The following KIAA1217 variants were observed in gnomAD, a reference collection of about 807,000 sequenced individuals.
KIAA1217 encodes sickle tail protein homolog.
In KIAA1217, 88 loss-of-function variants were observed where a neutral mutation model predicts 163.9. The observed-to-expected ratio is 0.54, with a 90% CI of 0.45 to 0.64. KIAA1217 has a LOEUF of 0.64. Among genes scored for constraint, KIAA1217 ranks in the 30% least tolerant of loss-of-function variants. The pLI, the probability that KIAA1217 is intolerant of heterozygous loss-of-function variation, is 0.00. For synonymous variants in KIAA1217, 903 were observed against 923.1 expected, an observed-to-expected ratio of 0.98 and a Z score of 0.39; for missense variants, 2,372 against 2,475.0, an observed-to-expected ratio of 0.96 and a Z score of 0.88.
intron 2 of KIAA1217, chr10:24,158,114 G>A (rs190403520): frequency 1.3e-6 from 1 of 754,766 alleles, no homozygotes; most frequent in East Asian, 2.5e-5. Context: ...AAGTATATAT[G>A]ATGACATTTC....
chr10:23,706,042 T>C (rs1836864704), intron 1 of KIAA1217, among the ~76,000 whole-genome samples: 1 of 152,176 alleles, frequency 6.6e-6, no homozygotes, highest in African/African-American at 2.4e-5. Flanking sequence ...TTTGCTTAAT[T>C]TGATTTTTGA....
At chr10:23,947,952 T>A (rs1045875894) in intron 1 of KIAA1217, among the ~76,000 whole-genome samples, 5 of 152,224 alleles carry the variant, frequency 3.3e-5, no homozygotes, top group African/African-American at 1.2e-4. Context: ...GTCCTTCCAA[T>A]ATTGGTCATT....
intron 1 of KIAA1217, among the ~76,000 whole-genome samples, chr10:23,705,744 T>A (rs1010112566): frequency 6.6e-6 from 1 of 152,162 alleles, no homozygotes; most frequent in Non-Finnish European, 1.5e-5. Context: ...CCACATACAT[T>A]TTAGGGCCTG....
chr10:24,258,586 CTT>C lies in KIAA1217; in HGVS notation c.354+38692_354+38693del, dbSNP rs34467674. On this transcript the variant is annotated intron_variant, in intron 2 of 20. Coordinates refer to ENST00000376454, the MANE Select transcript of KIAA1217 (RefSeq NM_019590.5). Reference sequence around the variant, plus strand: ...GCCCCTGTCACTCAGGGGCTTACTTCTTTTTTTTTTTTTTTTCTTTTTTTGAG... The same window carrying C: ...GCCCCTGTCACTCAGGGGCTTACTTCTTTTTTTTTTTTTTCTTTTTTTGAG... Among the ~76,000 whole-genome samples, 728 of 138,278 alleles carry C rather than the reference CTT, an allele frequency of 5.3e-3. 7 individuals are homozygous for C. The highest frequency in any genetic ancestry group is 0.018 in the African/African-American group (691 of 37,982). The allele number at this position is 138,278 out of a possible 152,430, so 90.7% of individuals were successfully genotyped here. A position where few individuals can be genotyped will look rare whatever the true frequency, so the allele number is the denominator to read the frequency against.
intron 1 of KIAA1217, among the ~76,000 whole-genome samples, chr10:23,832,609 G>A (rs1006270481): frequency 6.6e-6 from 1 of 152,082 alleles, no homozygotes; most frequent in African/African-American, 2.4e-5. Context: ...GTTATCAGTT[G>A]TCTTGTTATT....
At chr10:24,329,851 A>G (rs1037088392) in intron 2 of KIAA1217, among the ~76,000 whole-genome samples, 1 of 152,196 alleles carries the variant, frequency 6.6e-6, no homozygotes, top group African/African-American at 2.4e-5. Flanking sequence ...GAGGCTAGGA[A>G]TATACACAAA....
chr10:24,406,806 G>C (rs1036698181), intron 3 of KIAA1217, among the ~76,000 whole-genome samples: 1 of 152,108 alleles, frequency 6.6e-6, no homozygotes. Flanking sequence ...TTTCAGCATT[G>C]GCAGGAAGTA....
chr10:24,114,003 G>A (rs2062955736), intron 2 of KIAA1217, among the ~76,000 whole-genome samples: 2 of 152,304 alleles, frequency 1.3e-5, no homozygotes, highest in South Asian at 4.1e-4. Context: ...CTCCCATAAA[G>A]CTGGCCCCAG....
chr10:23,997,979 C>T (rs548620098), intron 1 of KIAA1217, among the ~76,000 whole-genome samples: 3 of 134,942 alleles, frequency 2.2e-5, no homozygotes, highest in Non-Finnish European at 5.0e-5. Context: ...GAGAAGGGGG[C>T]TTTCTTTTTT....
rs145283648 is a variant in KIAA1217 at position 23,930,898 on chromosome 10, C to T, written c.-320-76327C>T. 1.4e-4 allele frequency among the ~76,000 whole-genome samples: 21 copies of T among 152,244 alleles called. No individual in the cohort carries two copies. The East Asian group carries it at 3.1e-3, about 22-fold the overall frequency. Reference sequence around the variant, plus strand: ...TTGGTATTGAGCCTGTCCTTCCTCACGTGTGCCTCCCCTTGGTCTCCTGAA... The same window carrying T: ...TTGGTATTGAGCCTGTCCTTCCTCATGTGTGCCTCCCCTTGGTCTCCTGAA... On this transcript the variant is annotated intron_variant, in intron 1 of 18. Coordinates refer to the KIAA1217 transcript ENST00000376462.
At chr10:24,277,353 G>T (rs1283748616) in intron 2 of KIAA1217, among the ~76,000 whole-genome samples, 2 of 152,224 alleles carry the variant, frequency 1.3e-5, no homozygotes, top group African/African-American at 4.8e-5. Flanking sequence ...TGGGTGGCAG[G>T]TCTCTTCTTA....
chr10:23,979,462 A>G (rs949742079), intron 1 of KIAA1217, among the ~76,000 whole-genome samples: 4 of 152,136 alleles, frequency 2.6e-5, no homozygotes, highest in African/African-American at 4.8e-5. Context: ...CTTCCTCTTC[A>G]TGTCTTTCTT....
chr10:23,747,011 G>A lies in KIAA1217; in HGVS notation c.-321+51777G>A, dbSNP rs188185375. Among the ~76,000 whole-genome samples, 105 of 152,138 alleles carry A rather than the reference G, an allele frequency of 6.9e-4. 2 individuals are homozygous for A. Among genetic ancestry groups the A allele is most frequent in the African/African-American group, 2.5e-3 (103 of 41,496 alleles). ...GTGAAGGAAGTAAAAAACTATAGGA[G>A]GTAAAGAAGAAACTAGAAAAACTGG... On this transcript the variant is annotated intron_variant, in intron 1 of 18. Coordinates refer to the KIAA1217 transcript ENST00000376462.
intron 2 of KIAA1217, among the ~76,000 whole-genome samples, chr10:24,284,085 T>C (rs2078279324): frequency 6.6e-6 from 1 of 152,054 alleles, no homozygotes; most frequent in South Asian, 2.1e-4. Context: ...AATTTTTGTA[T>C]TTTCAATAGA....
chr10:23,745,226 CTATAA>C (rs1468954128), intron 1 of KIAA1217, among the ~76,000 whole-genome samples: 4 of 152,062 alleles, frequency 2.6e-5, no homozygotes, highest in Non-Finnish European at 4.4e-5. Context: ...TCCCCAGTGC[CTATAA>C]TATAACTTAG....
rs61734877 is a variant in KIAA1217, at chr10:24,543,538, C to G, written c.4268C>G (p.Thr1423Ser). 12 of 1,613,838 alleles carry G rather than the reference C, an allele frequency of 7.4e-6. No individual in the cohort carries two copies. Among genetic ancestry groups the G allele is most frequent in the African/African-American group, 4.0e-5 (3 of 74,866 alleles). Residue 1423 changes from threonine to serine, a missense_variant, in exon 19 of 21, where the codon ACC (threonine) becomes AGC (serine). By Grantham distance (58) the Thr-to-Ser change is moderately conservative. Around this residue, in one of 3 missense-constraint regions of KIAA1217, gnomAD observed 690 missense variants for 677.5 expected, o/e 1.02. Transcript: ENST00000376454. Reference sequence around the variant, plus strand: ...AATATCGATGCCAGAAAAGAGATGACCCCCCGACAAGAAGGGACTGACAAT... The same window carrying G: ...AATATCGATGCCAGAAAAGAGATGAGCCCCCGACAAGAAGGGACTGACAAT... Reference protein sequence around the residue: ...TVNIDARKEMTPRQEGTDNED... With the variant: ...TVNIDARKEMSPRQEGTDNED...
chr10:24,178,959 T>C (rs1420258416), intron 2 of KIAA1217, among the ~76,000 whole-genome samples: 2 of 152,194 alleles, frequency 1.3e-5, no homozygotes, highest in Non-Finnish European at 2.9e-5. Context: ...TTTCTTCCTA[T>C]TATTCATTTG....
intron 2 of KIAA1217, among the ~76,000 whole-genome samples, chr10:24,080,390 G>A (rs750429262): frequency 7.2e-5 from 11 of 152,124 alleles, no homozygotes; most frequent in African/African-American, 1.2e-4. Flanking sequence ...TGTCCTTGGC[G>A]TGACTAGTAT....
At chr10:24,352,508 T>C (rs763072418) in intron 2 of KIAA1217, among the ~76,000 whole-genome samples, 15 of 152,226 alleles carry the variant, frequency 9.9e-5, no homozygotes, top group African/African-American at 3.6e-4. Context: ...ATAATCTTTT[T>C]TTTTGTTGTT....
Sources: allele counts gnomAD v4.1 joint callset (sites outside exome capture counted in the v4.1 genomes callset), GRCh38; gene constraint gnomAD v4.1.1; regional missense constraint gnomAD v4.1.1; transcripts MANE v1.5; gene names NCBI Gene and HGNC (gene_info 2026-07-23, HGNC 2026-07-21).